Variants in IL15 observed in about 807,000 individuals in gnomAD.
IL15 encodes interleukin-15.
In IL15, 11 loss-of-function variants were observed where a neutral mutation model predicts 19.6. The ratio of observed to expected loss-of-function variants is 0.56; its 90% CI spans 0.35 to 0.93. The LOEUF (loss-of-function observed/expected upper bound fraction) is 0.93. Ranked by LOEUF, IL15 falls within the 40% of genes least tolerant of loss-of-function variation. The pLI, the probability that IL15 is intolerant of heterozygous loss-of-function variation, is 0.01. For synonymous variants in IL15, 58 were observed against 59.6 expected (o/e 0.97, Z 0.12); for missense variants, 197 against 186.5 (o/e 1.06, Z -0.33).
chr4:141,689,305 A>T (rs919933520), intron 2 of IL15, among the ~76,000 whole-genome samples: 8 of 152,160 alleles, frequency 5.3e-5, no homozygotes, highest in Admixed American at 1.3e-4. Context: ...GGCCCCACCC[A>T]CATCCTGCTG....
chr4:141,667,931 T>A (rs1728046182), intron 2 of IL15, among the ~76,000 whole-genome samples: 1 of 152,192 alleles, frequency 6.6e-6, no homozygotes, highest in South Asian at 2.1e-4. Flanking sequence ...TATTTTAATT[T>A]TCTGGTACAA....
At chr4:141,704,548 G>A in intron 2 of IL15, 1 of 323,016 alleles carries the variant, frequency 3.1e-6, no homozygotes, top group Non-Finnish European at 6.3e-6. Flanking sequence ...TCGGATTAAT[G>A]CAGGCATTAT....
chr4:141,717,720 G>A (rs1192240352), intron 2 of IL15: 1 of 152,200 alleles, frequency 6.6e-6, no homozygotes, highest in Non-Finnish European at 1.5e-5. Flanking sequence ...TAGTGCAAAG[G>A]CATGATCTCG....
rs115468796 is a variant in IL15 at position 141,654,415 on chromosome 4, A to C, written c.-221-1771A>C. Among the ~76,000 whole-genome samples, 743 of 152,348 alleles carry C rather than the reference A, an allele frequency of 4.9e-3. 3 individuals carry two copies. The highest frequency in any genetic ancestry group is 0.014 in the Middle Eastern group (4 of 294). The stretch of plus-strand genomic sequence containing the variant: ...ATTGTTCACTACAACTCTGTATAGA[A>C]TCTTCAAATTTTTAAAGGAAATGCT... On this transcript the variant is annotated intron_variant, in intron 1 of 7. Transcript: ENST00000320650.
At chr4:141,689,338 T>C (rs1728828612) in intron 2 of IL15, among the ~76,000 whole-genome samples, 1 of 152,286 alleles carries the variant, frequency 6.6e-6, no homozygotes, top group East Asian at 1.9e-4. Flanking sequence ...GAGTGGTCTG[T>C]TTTGACAGGG....
chr4:141,728,244 C>T lies in IL15; in HGVS notation c.240+260C>T, dbSNP rs540564755. ...TCAATGTCAAACAAGATACATTATA[C>T]GTTTTTGTGATGCAGTTGCATCATG... On this transcript the variant is annotated intron_variant, in intron 6 of 7. Coordinates refer to ENST00000320650, the MANE Select transcript of IL15 (RefSeq NM_000585.5). Among the ~76,000 whole-genome samples, 7 of 152,084 alleles carry T rather than the reference C, an allele frequency of 4.6e-5. No homozygotes were observed. The South Asian group carries it at 6.2e-4, about 14-fold the overall frequency.
At chr4:141,642,545 C>G (rs1304699327) in intron 1 of IL15, among the ~76,000 whole-genome samples, 1 of 152,144 alleles carries the variant, frequency 6.6e-6, no homozygotes, top group Non-Finnish European at 1.5e-5. Context: ...AGAGCCTGGG[C>G]TAGCTTCTGT....
At chr4:141,699,932 T>A (rs1729228729) in intron 2 of IL15, among the ~76,000 whole-genome samples, 1 of 152,134 alleles carries the variant, frequency 6.6e-6, no homozygotes, top group African/African-American at 2.4e-5. Flanking sequence ...TATTTATTTA[T>A]TTTGAGATGG....
chr4:141,705,509 A>G (rs1054228135), intron 2 of IL15, among the ~76,000 whole-genome samples: 1 of 151,998 alleles, frequency 6.6e-6, no homozygotes, highest in African/African-American at 2.4e-5. Flanking sequence ...CATGTGATCT[A>G]TCCTAAAAAA....
intron 2 of IL15, among the ~76,000 whole-genome samples, chr4:141,684,918 C>T (rs1413558462): frequency 6.6e-6 from 1 of 151,292 alleles, no homozygotes; most frequent in African/African-American, 2.4e-5. Flanking sequence ...ATTGTATCTC[C>T]TCTATAAAAC....
chr4:141,716,297 G>GCC (rs1395879410), intron 2 of IL15: 5 of 152,292 alleles, frequency 3.3e-5, no homozygotes, highest in Non-Finnish European at 7.3e-5. Flanking sequence ...GGTTTCGGGT[G>GCC]CCAGGCCCCA....
chr4:141,645,047 G>A (rs1215786060), intron 1 of IL15, among the ~76,000 whole-genome samples: 1 of 152,064 alleles, frequency 6.6e-6, no homozygotes, highest in African/African-American at 2.4e-5. Context: ...CCTGCTTTCT[G>A]ATGTTAGAGG....
chr4:141,651,618 A>G (rs1334250213), intron 1 of IL15, among the ~76,000 whole-genome samples: 1 of 152,126 alleles, frequency 6.6e-6, no homozygotes, highest in African/African-American at 2.4e-5. Context: ...CACATGGACC[A>G]CATTTAATGT....
At chr4:141,721,603 A>G (rs1293120266) in intron 4 of IL15, 33 of 527,244 alleles carry the variant, frequency 6.3e-5, no homozygotes, top group Non-Finnish European at 1.0e-4. Flanking sequence ...ATTCAAAATC[A>G]TTTATTGAGC....
intron 2 of IL15, among the ~76,000 whole-genome samples, chr4:141,699,647 C>G (rs1456639098): frequency 1.3e-5 from 2 of 152,060 alleles, no homozygotes; most frequent in African/African-American, 4.8e-5. Context: ...AAAATAGCTA[C>G]TCTTGTTTTT....
intron 2 of IL15, among the ~76,000 whole-genome samples, chr4:141,661,538 A>G (rs1578997905): frequency 6.6e-6 from 1 of 152,326 alleles, no homozygotes; most frequent in East Asian, 1.9e-4. Flanking sequence ...GCATCCTGAC[A>G]GGCAGAGTCG....
At chr4:141,709,382 T>C (rs1729638341) in intron 2 of IL15, among the ~76,000 whole-genome samples, 1 of 152,192 alleles carries the variant, frequency 6.6e-6, no homozygotes, top group South Asian at 2.1e-4. Context: ...AAAAAGGTTG[T>C]TCATTGTGTT....
intron 1 of IL15, among the ~76,000 whole-genome samples, chr4:141,641,530 T>G (rs1727042319): frequency 6.6e-6 from 1 of 152,100 alleles, no homozygotes. Flanking sequence ...GATGAGTTCA[T>G]GTCCTTTGTA....
At chr4:141,691,573 AT>A (rs1728912102) in intron 2 of IL15, among the ~76,000 whole-genome samples, 1 of 152,146 alleles carries the variant, frequency 6.6e-6, no homozygotes, top group Non-Finnish European at 1.5e-5. Context: ...CCCATTCCAA[AT>A]GGGAGAATTT....
Sources: gnomAD v4.1 joint callset for allele counts (sites outside exome capture counted in the v4.1 genomes callset) on GRCh38, gnomAD v4.1.1 for gene constraint, MANE v1.5 for transcripts, NCBI Gene and HGNC (gene_info 2026-07-23, HGNC 2026-07-21) for gene names.